Variants in NCAN observed in about 807,000 individuals in gnomAD.
NCAN encodes neurocan.
In NCAN, 47 loss-of-function variants were observed where a neutral mutation model predicts 121.8. The observed-to-expected ratio is 0.39, with a 90% confidence interval of 0.31 to 0.49. The LOEUF is 0.49. Among genes scored for constraint, NCAN ranks in the 20% least tolerant of loss-of-function variants. NCAN has a pLI of 0.92. For synonymous variants in NCAN, 633 were observed against 702.0 expected, an observed-to-expected ratio of 0.90 and a Z score of 1.55; for missense variants, 1,517 against 1,773.4, an observed-to-expected ratio of 0.86 and a Z score of 2.60.
Position 19,234,016 on chromosome 19 carries a change from C to T in NCAN, c.3136+111C>T, listed in dbSNP as rs982042030. On this transcript the variant is annotated intron_variant, in intron 9 of 14. Coordinates refer to ENST00000252575, the MANE Select transcript of NCAN (RefSeq NM_004386.3). ...TTCAGAGATCACAAAAAGCTGGTTTCAGATGCTCCATTCCCAAACCCCACT... is the reference window on the plus strand; with the variant it reads ...TTCAGAGATCACAAAAAGCTGGTTTTAGATGCTCCATTCCCAAACCCCACT... The T allele has an allele frequency of 5.9e-5, 40 of 681,340 alleles. No individual in the cohort carries two copies. In the African/African-American group the frequency reaches 6.4e-4, roughly 11 times the overall value. 42.2% of individuals were successfully genotyped at this position (681,340 alleles called of 1,614,324 possible). A position where few individuals can be genotyped will look rare whatever the true frequency, so the allele number is the denominator to read the frequency against.
chr19:19,244,610 TGA>T (rs1757654222), intron 12 of NCAN, among the ~76,000 whole-genome samples: 1 of 151,688 alleles, frequency 6.6e-6, no homozygotes, highest in Admixed American at 6.6e-5. Context: ...AGCCCGGCCT[TGA>T]ATCCTTACTA....
At position 19,215,239 on chromosome 19, in the gene NCAN, C is replaced by T. The variant is rs3761076; in HGVS notation, c.-7-1708C>T. ...ACATACAGCCTCCCCTTCTGGACTC[C>T]GTTCACACCCCTTCCTCAGGGATAA... On this transcript the variant is annotated intron_variant, in intron 1 of 14. Coordinates refer to ENST00000252575, the MANE Select transcript of NCAN (RefSeq NM_004386.3). 2.6e-4 allele frequency among the ~76,000 whole-genome samples: 39 copies of T among 152,298 alleles called. No homozygotes were observed. In the East Asian group the frequency reaches 5.6e-3, roughly 22 times the overall value.
In NCAN at chr19:19,245,355, G is replaced by A. The variant is rs760380292; in HGVS notation, c.3535G>A (p.Ala1179Thr). ...AGAGAACCAGCCGGACAATTTCTTC[G>A]CGGGTGGCGAGGACTGTGTGGTGAT... is the stretch of plus-strand genomic sequence containing the variant. Reference protein sequence around the residue: ...WRENQPDNFFAGGEDCVVMVA... With the variant: ...WRENQPDNFFTGGEDCVVMVA... Residue 1179 changes from alanine (A) to threonine (T), a missense_variant, in exon 13 of 15, where the codon GCG (alanine) becomes ACG (threonine). Transcript: ENST00000252575. 6.2e-6 allele frequency: 10 copies of A among 1,614,104 alleles called. No individual in the cohort carries two copies. Among genetic ancestry groups the A allele is most frequent in the African/African-American group, 1.3e-5 (1 of 74,934 alleles).
At chr19:19,218,889 C>A in intron 2 of NCAN, 26 bp from the exon 3 acceptor site, 1 of 1,473,306 alleles carries the variant, frequency 6.8e-7, no homozygotes, top group South Asian at 1.5e-5. Context: ...CTGAATCAGG[C>A]CCTCTCTCCA....
Position 19,226,828 on chromosome 19 carries a change from C to T in NCAN, c.1415C>T (p.Pro472Leu), listed in dbSNP as rs1312408998. The T allele has an allele frequency of 6.2e-7, 1 of 1,613,250 alleles. No homozygotes were observed. Among genetic ancestry groups the T allele is most frequent in the South Asian group, 1.1e-5 (1 of 91,084 alleles). Residue 472 changes from proline to leucine, a missense_variant, in exon 7 of 15, where the codon CCA (proline) becomes CTA (leucine). Transcript: ENST00000252575. ...TAASSHTEVAPTDPMPRRRGR... is the reference protein window; with the variant it reads ...TAASSHTEVALTDPMPRRRGR... Reference sequence around the variant, plus strand: ...GCAAGTTCACACACGGAGGTGGCCCCAACTGACCCTATGCCTAGGAGAAGG... The same window carrying T: ...GCAAGTTCACACACGGAGGTGGCCCTAACTGACCCTATGCCTAGGAGAAGG...
At chr19:19,233,959 T>G (rs1427728849) in intron 9 of NCAN, 54 bp downstream of exon 9, 2 of 1,148,214 alleles carry the variant, frequency 1.7e-6, no homozygotes, top group Non-Finnish European at 2.6e-6. Flanking sequence ...TCCAGAGCCT[T>G]GGGTTGTACT....
At chr19:19,238,478 G>T (rs1335340188) in intron 11 of NCAN, 67 bp downstream of exon 11, 3 of 1,590,158 alleles carry the variant, frequency 1.9e-6, no homozygotes, top group Middle Eastern at 1.7e-4. Flanking sequence ...TAGCCCTTTT[G>T]CCAGGGCATC....
intron 1 of NCAN, among the ~76,000 whole-genome samples, chr19:19,215,061 T>C (rs138083343): frequency 1.6e-4 from 25 of 152,270 alleles, no homozygotes; most frequent in African/African-American, 4.6e-4. Context: ...CCCTGAGGCA[T>C]CGTGTTAGCA....
chr19:19,245,807 T>A (rs148346971), intron 13 of NCAN, among the ~76,000 whole-genome samples: 2,559 of 151,872 alleles, frequency 0.017, 84 homozygotes, highest in African/African-American at 0.059. Flanking sequence ...CATGAAGCAT[T>A]CAGAGTACAC....
At chr19:19,231,369 C>T (rs1001584962) in intron 8 of NCAN, among the ~76,000 whole-genome samples, 13 of 149,090 alleles carry the variant, frequency 8.7e-5, no homozygotes, top group Admixed American at 2.0e-4. Flanking sequence ...CTTTCTCCGT[C>T]GCCCAGGCTG....
Position 19,227,209 on chromosome 19 carries a change from C to A in NCAN, c.1661-72C>A. On this transcript the variant is annotated intron_variant, in intron 7 of 14. Coordinates refer to ENST00000252575, the MANE Select transcript of NCAN (RefSeq NM_004386.3). The surrounding 1 kb of genome is among the most constrained non-coding windows in gnomAD (Gnocchi z 4.2). ...TCCTCTGGCCCCAGAAGCCCCCTCT[C>A]CCTTGGGCCTGGAGTCCAACCAAAG... The A allele has an allele frequency of 2.0e-6, 3 of 1,501,792 alleles. No homozygotes were observed. Among genetic ancestry groups the A allele is most frequent in the Non-Finnish European group, 2.7e-6 (3 of 1,127,706 alleles). The allele number at this position is 1,501,792 out of a possible 1,614,324, so 93.0% of individuals were successfully genotyped here.
chr19:19,237,933 C>T (rs534772097), intron 10 of NCAN, among the ~76,000 whole-genome samples: 1 of 152,166 alleles, frequency 6.6e-6, no homozygotes, highest in Admixed American at 6.5e-5. Flanking sequence ...ATCCCAGCTA[C>T]TCAGGAGGCT....
At chr19:19,216,839 GC>G (rs980062507) in intron 1 of NCAN, 107 bp from the exon 2 acceptor site, 1 of 576,090 alleles carries the variant, frequency 1.7e-6, no homozygotes. Context: ...GTCTCTCTGA[GC>G]CCTGGTTTCC....
At chr19:19,224,482 T>A in intron 5 of NCAN, 49 bp downstream of exon 5, 1 of 1,588,046 alleles carries the variant, frequency 6.3e-7, no homozygotes, top group South Asian at 1.1e-5. Context: ...TCTTTGAGTA[T>A]CTATTATTCT....
chr19:19,224,204 G>A lies in NCAN; in HGVS notation c.650+9G>A, dbSNP rs760845828. On this transcript the variant is annotated intron_variant, in intron 4 of 14. Coordinates refer to ENST00000252575, the MANE Select transcript of NCAN (RefSeq NM_004386.3). ...TCTGACCGCACTGTTCGGTGAGGGG[G>A]ATACACAGGGCAGGGAGATGAAGAC... The A allele has an allele frequency of 1.9e-6, 3 of 1,586,740 alleles. No individual in the cohort carries two copies. Among genetic ancestry groups the A allele is most frequent in the East Asian group, 2.3e-5 (1 of 44,304 alleles).
rs556242523 is a variant in NCAN, at chr19:19,242,174, A to G, written c.3492+1489A>G. On this transcript the variant is annotated intron_variant, in intron 12 of 14. Coordinates refer to ENST00000252575, the MANE Select transcript of NCAN (RefSeq NM_004386.3). Reference sequence around the variant, plus strand: ...CACACCATTTCACTCCAGCCTGGGCAACAGAGCAGGACTCCATCTCCAAAA... The same window carrying G: ...CACACCATTTCACTCCAGCCTGGGCGACAGAGCAGGACTCCATCTCCAAAA... Among the ~76,000 whole-genome samples the G allele has an allele frequency of 4.0e-3, 606 of 151,764 alleles. 4 individuals are homozygous for G. Among genetic ancestry groups the G allele is most frequent in the African/African-American group, 0.014 (579 of 41,382 alleles).
At chr19:19,230,388 ACC>A (rs1379274960) in intron 8 of NCAN, among the ~76,000 whole-genome samples, 1 of 112,776 alleles carries the variant, frequency 8.9e-6, no homozygotes, top group Non-Finnish European at 1.8e-5. Flanking sequence ...TAACTACCGC[ACC>A]CCCCACCCCC....
chr19:19,233,546 G>A (rs1165094201), intron 8 of NCAN, among the ~76,000 whole-genome samples: 3 of 152,182 alleles, frequency 2.0e-5, no homozygotes, highest in Non-Finnish European at 2.9e-5. Flanking sequence ...AGTTCAGTCT[G>A]AGGAAGGACT....
In NCAN at chr19:19,229,944, G is replaced by A. The variant is rs936713382; in HGVS notation, c.3019+1305G>A. On this transcript the variant is annotated intron_variant, in intron 8 of 14. Coordinates refer to ENST00000252575, the MANE Select transcript of NCAN (RefSeq NM_004386.3). ...ATAAAAAGAAATTAGCCAGGCTGCA[G>A]TGAGCTATGATAGTTCCACCGCGAG... Among the ~76,000 whole-genome samples, 3 of 152,280 alleles carry A rather than the reference G, an allele frequency of 2.0e-5. 1 individual carries two copies. Among genetic ancestry groups the A allele is most frequent in the Admixed American group, 2.0e-4 (3 of 15,296 alleles).
Sources: allele counts gnomAD v4.1 joint callset (sites outside exome capture counted in the v4.1 genomes callset), GRCh38; gene constraint gnomAD v4.1.1; non-coding constraint Gnocchi (gnomAD v3.1); transcripts MANE v1.5; gene names NCBI Gene and HGNC (gene_info 2026-07-23, HGNC 2026-07-21).